The following SH2D6 variants were observed in gnomAD, a reference collection of about 807,000 sequenced individuals.
The protein encoded by SH2D6 is SH2 domain containing 6.
A neutral mutation model predicts 30.2 loss-of-function variants in SH2D6; 31 were observed. The ratio of observed to expected loss-of-function variants is 1.03; its 90% CI spans 0.77 to 1.38. The LOEUF (loss-of-function observed/expected upper bound fraction) is 1.38. Ranked by LOEUF, SH2D6 falls within the 40% of genes most tolerant of loss-of-function variation. SH2D6 has a pLI of 0.00. For missense variants in SH2D6, 240 were observed against 266.8 expected, an observed-to-expected ratio of 0.90 and a Z score of 0.70; for synonymous variants, 93 against 104.6, an observed-to-expected ratio of 0.89 and a Z score of 0.68.
At position 85,435,373 on chromosome 2, in the gene SH2D6, G is replaced by A. The variant is rs972119144; in HGVS notation, c.649-40G>A. On this transcript the variant is annotated intron_variant, in intron 20 of 23. Transcript: ENST00000469800. ...TCCTCGGCTCCGCATGCCTGATTGA[G>A]TGCCCTGGCATGTTTCTGAGTGACT... The A allele has an allele frequency of 7.5e-6, 12 of 1,599,478 alleles. 1 individual carries two copies. The Admixed American group carries it at 1.5e-4, about 20-fold the overall frequency.
chr2:85,432,545 C>T lies in SH2D6; in HGVS notation c.371-554C>T, dbSNP rs371657191. Among the ~76,000 whole-genome samples, 224 of 151,842 alleles carry T rather than the reference C, an allele frequency of 1.5e-3. 2 individuals are homozygous for T. The highest frequency in any genetic ancestry group is 2.6e-3 in the Non-Finnish European group (178 of 67,908). On this transcript the variant is annotated intron_variant, in intron 14 of 23. Coordinates refer to ENST00000469800, the MANE Select transcript of SH2D6 (RefSeq NM_001394463.1). ...CCTCCCGAGTAGCTGGGACTACAGG[C>T]GCCCGCTACCACGCCCGGCTAATTT...
rs772927017 is a variant in SH2D6, at chr2:85,435,690, A to G, written c.757A>G (p.Ser253Gly). The change falls in exon 22 of 24, where the codon AGC becomes GGC. Residue 253 changes from serine to glycine, a missense_variant. Transcript: ENST00000469800. Reference sequence around the variant, plus strand: ...GGATGGGGCCTATACCGTGCGCCCCAGCTCAGGGCCTCATGGCTCCCAGCC... The same window carrying G: ...GGATGGGGCCTATACCGTGCGCCCCGGCTCAGGGCCTCATGGCTCCCAGCC... ...QKDGAYTVRP[S>G]SGPHGSQPFT... is the part of the protein sequence containing the mutation. The G allele has an allele frequency of 6.2e-7, 1 of 1,611,914 alleles. No homozygotes were observed. The highest frequency in any genetic ancestry group is 1.3e-5 in the African/African-American group (1 of 75,022).
intron 14 of SH2D6, 40 bp from the exon 15 acceptor site, chr2:85,433,059 C>T (rs1367671080): frequency 1.0e-6 from 1 of 985,836 alleles, no homozygotes; most frequent in Non-Finnish European, 1.2e-6. Context: ...TTTCTGCTCC[C>T]TGCCGTGCAT....
chr2:85,424,202 G>T (rs894254796), intron 5 of SH2D6, among the ~76,000 whole-genome samples: 1 of 152,182 alleles, frequency 6.6e-6, no homozygotes, highest in Non-Finnish European at 1.5e-5. Context: ...CCACTCTGCT[G>T]GGAGAGGAAT....
At chr2:85,433,248 C>A in intron 15 of SH2D6, 127 bp downstream of exon 15, 2 of 675,252 alleles carry the variant, frequency 3.0e-6, no homozygotes, top group Non-Finnish European at 3.7e-6. Flanking sequence ...CAGAGCAGGG[C>A]CCCTGCCCCT....
rs543402617 is a variant in SH2D6 at position 85,436,571 on chromosome 2, A to G, written c.997A>G (p.Thr333Ala). The G allele has an allele frequency of 1.9e-6, 3 of 1,613,588 alleles. No individual in the cohort carries two copies. The African/African-American group carries it at 4.0e-5, about 22-fold the overall frequency. The stretch of plus-strand genomic sequence containing the variant: ...GGAACTCACCTGCCTGCTCTTCCCC[A>G]CCAAGCCTTGAGGCCACAGCGAAGT... ...SRELTCLLFP[T>A]KP The change falls in exon 23 of 24, where the codon ACC becomes GCC. Residue 333 changes from threonine to alanine, a missense_variant. Physicochemically the swap from Thr to Ala is moderately conservative, Grantham distance 58. Transcript: ENST00000469800.
chr2:85,433,666 C>T, intron 16 of SH2D6, 35 bp downstream of exon 16: 8 of 1,049,548 alleles, frequency 7.6e-6, no homozygotes, highest in Non-Finnish European at 9.2e-6. Flanking sequence ...CCCCTCCTGC[C>T]CGAGGCCCTC....
intron 14 of SH2D6, 35 bp from the exon 15 acceptor site, chr2:85,433,064 G>A (rs971721063): frequency 5.7e-5 from 56 of 985,814 alleles, no homozygotes; most frequent in Non-Finnish European, 5.7e-5. Context: ...GCTCCCTGCC[G>A]TGCATGACAG....
chr2:85,433,932 G>C, intron 16 of SH2D6, 101 bp from the exon 17 acceptor site: 2 of 1,048,304 alleles, frequency 1.9e-6, no homozygotes, highest in Non-Finnish European at 2.8e-6. Context: ...CCAGGCTGCA[G>C]AGAAGCAGCA....
rs1689490076 is a variant in SH2D6 at position 85,436,588 on chromosome 2, C to T, written c.*6C>T. Reference sequence around the variant, plus strand: ...TCTTCCCCACCAAGCCTTGAGGCCACAGCGAAGTACACACCGCCTTTGGCC... The same window carrying T: ...TCTTCCCCACCAAGCCTTGAGGCCATAGCGAAGTACACACCGCCTTTGGCC... On this transcript the variant is annotated 3_prime_UTR_variant, in exon 23 of 24. Transcript: ENST00000469800. 2 of 1,611,684 alleles carry T rather than the reference C, an allele frequency of 1.2e-6. No individual in the cohort carries two copies. The highest frequency in any genetic ancestry group is 1.1e-5 in the South Asian group (1 of 91,032).
intron 5 of SH2D6, among the ~76,000 whole-genome samples, chr2:85,423,513 G>A (rs1236537799): frequency 6.6e-6 from 1 of 152,202 alleles, no homozygotes; most frequent in African/African-American, 2.4e-5. Flanking sequence ...GGTTAGAGGT[G>A]TGAGCCACTG....
chr2:85,430,269 A>G lies in SH2D6; in HGVS notation c.65-95A>G, dbSNP rs947366734. 3.3e-5 allele frequency: 5 copies of G among 152,578 alleles called. No individual in the cohort carries two copies. The highest frequency in any genetic ancestry group is 1.2e-4 in the African/African-American group (5 of 41,302). The allele number at this position is 152,578 out of a possible 1,614,324, so 9.5% of individuals were successfully genotyped here. A position where few individuals can be genotyped will look rare whatever the true frequency, so the allele number is the denominator to read the frequency against. On this transcript the variant is annotated intron_variant, in intron 10 of 23. Coordinates refer to ENST00000469800, the MANE Select transcript of SH2D6 (RefSeq NM_001394463.1). The surrounding 1 kb of genome is among the most constrained non-coding windows in gnomAD (Gnocchi z 4.3). ...GGCAGCATTGGGAATGCCTGTGATGAGTGGTTCCTTTGAGTTGAAGCACTG... is the reference window on the plus strand; with the variant it reads ...GGCAGCATTGGGAATGCCTGTGATGGGTGGTTCCTTTGAGTTGAAGCACTG...
intron 14 of SH2D6, among the ~76,000 whole-genome samples, chr2:85,432,691 C>T (rs1000308684): frequency 2.6e-5 from 4 of 152,114 alleles, no homozygotes; most frequent in Non-Finnish European, 4.4e-5. Flanking sequence ...TGAGCCACCG[C>T]GCCCGGCCGA....
intron 2 of SH2D6, among the ~76,000 whole-genome samples, chr2:85,420,240 T>C (rs1349686285): frequency 6.6e-6 from 1 of 152,078 alleles, no homozygotes; most frequent in Non-Finnish European, 1.5e-5. Context: ...TCAGCCTCAG[T>C]AGCTGGGATT....
intron 2 of SH2D6, among the ~76,000 whole-genome samples, chr2:85,420,215 C>T (rs908760002): frequency 6.6e-6 from 1 of 152,168 alleles, no homozygotes; most frequent in African/African-American, 2.4e-5. Flanking sequence ...AGCGGTTCTC[C>T]TGCCTCAGCC....
rs1277370021 is a variant in SH2D6, at chr2:85,435,463, T to C, written c.699T>C (p.Tyr233=). Residue 233 remains tyrosine, a synonymous_variant, in exon 21 of 24, where the codon TAT becomes TAC. Transcript: ENST00000469800. ...GGTACTCGGGGAACTGTGACCGCTA[T>C]GCTGTTGAGAGTGCCCTGCTCCACT... ...QPWYSGNCDR[Y]AVESALLHLQ... 1 of 1,613,832 alleles carries C rather than the reference T, an allele frequency of 6.2e-7. No homozygotes were observed. The highest frequency in any genetic ancestry group is 8.5e-7 in the Non-Finnish European group (1 of 1,180,026).
At chr2:85,434,891 C>T in intron 19 of SH2D6, 174 bp from the exon 20 acceptor site, 1 of 1,573,436 alleles carries the variant, frequency 6.4e-7, no homozygotes, top group Non-Finnish European at 8.6e-7. Context: ...GCTGGTGGGT[C>T]CTGCCAGGGC....
intron 14 of SH2D6, 79 bp from the exon 15 acceptor site, chr2:85,433,020 C>G: frequency 1.0e-6 from 1 of 983,922 alleles, no homozygotes; most frequent in African/African-American, 1.7e-5. Context: ...GGAGACTCTG[C>G]TTTTTCAGCC....
At chr2:85,436,054 C>T (rs1455225291) in intron 22 of SH2D6, among the ~76,000 whole-genome samples, 1 of 152,174 alleles carries the variant, frequency 6.6e-6, no homozygotes, top group Admixed American at 6.5e-5. Context: ...GCCTTTGTGC[C>T]TTTAATGAAC....
Sources: allele counts gnomAD v4.1 joint callset (sites outside exome capture counted in the v4.1 genomes callset), GRCh38; gene constraint gnomAD v4.1.1; non-coding constraint Gnocchi (gnomAD v3.1); transcripts MANE v1.5; gene names NCBI Gene and HGNC (gene_info 2026-07-23, HGNC 2026-07-21).